SMARCA5: variants seen among roughly 807,000 people sequenced by gnomAD.
SMARCA5 encodes SNF2 related chromatin remodeling ATPase 5, also known as SWI/SNF-related matrix-associated actin-dependent regulator of chromatin subfamily A member 5.
Under a neutral mutation model 140.4 loss-of-function variants are expected in SMARCA5, and 18 were observed. The observed-to-expected ratio is 0.13, with a 90% CI of 0.09 to 0.19. The LOEUF (loss-of-function observed/expected upper bound fraction) is 0.19, where lower values mean the gene tolerates loss of function less well. Among genes scored for constraint, SMARCA5 ranks in the 10% least tolerant of loss-of-function variants. SMARCA5 has a pLI of 1.00. For missense variants in SMARCA5, 606 were observed against 1,276.8 expected (o/e 0.47, Z 8.01); for synonymous variants, 449 against 419.6 (o/e 1.07, Z -0.86).
Position 143,525,458 on chromosome 4 carries a change from A to G in SMARCA5, c.528A>G (p.Lys176=), listed in dbSNP as rs770396964. The change falls in exon 5 of 24, where the codon AAA becomes AAG. Residue 176 remains lysine, a synonymous_variant. Transcript: ENST00000283131. The part of the protein sequence containing the change: ...TRFEDSPSYV[K]WGKLRDYQVR... The stretch of plus-strand genomic sequence containing the variant: ...CTTTTCTTTTGTTCTTAGATGTAAA[A>G]TGGGGTAAACTGAGAGATTATCAGG... 3 of 1,608,656 alleles carry G rather than the reference A, an allele frequency of 1.9e-6. No individual in the cohort carries two copies. Among genetic ancestry groups the G allele is most frequent in the African/African-American group, 1.3e-5 (1 of 74,926 alleles).
chr4:143,551,116 A>G (rs1277898848), intron 23 of SMARCA5, among the ~76,000 whole-genome samples: 1 of 84,750 alleles, frequency 1.2e-5, no homozygotes, highest in Non-Finnish European at 2.4e-5. Context: ...CTGGGATGAG[A>G]TGTTATCTCA....
intron 10 of SMARCA5, 106 bp from the exon 11 acceptor site, chr4:143,536,346 T>C: frequency 1.4e-6 from 1 of 731,876 alleles, no homozygotes; most frequent in Non-Finnish European, 2.4e-6. Context: ...AGTAGTTTCT[T>C]ACAGATATTT....
At chr4:143,536,016 C>T (rs1737295109) in intron 10 of SMARCA5, among the ~76,000 whole-genome samples, 1 of 152,100 alleles carries the variant, frequency 6.6e-6, no homozygotes, top group African/African-American at 2.4e-5. Context: ...CCTGTCTTCT[C>T]AGATGTTAGG....
chr4:143,515,269 A>G (rs1736803980), intron 1 of SMARCA5, among the ~76,000 whole-genome samples: 1 of 152,202 alleles, frequency 6.6e-6, no homozygotes, highest in South Asian at 2.1e-4. Flanking sequence ...GTTAGTAATC[A>G]TTTAAAGAAC....
intron 2 of SMARCA5, among the ~76,000 whole-genome samples, chr4:143,520,944 C>G (rs1337704096): frequency 2.0e-5 from 3 of 152,154 alleles, no homozygotes; most frequent in Admixed American, 6.5e-5. Context: ...TGAATGAGCA[C>G]TGCATTTTTT....
Position 143,521,505 on chromosome 4 carries a change from C to A in SMARCA5, c.329C>A (p.Ala110Asp), listed in dbSNP as rs1736958325. The change falls in exon 3 of 24, where the codon GCT becomes GAT. Residue 110 changes from alanine to aspartate, a missense_variant. This residue lies in a region of SMARCA5 where 110 missense variants were observed against 287.7 expected (regional missense o/e 0.38). Transcript: ENST00000283131. ...ELFAHFIQPA[A>D]QKTPTSPLKM... ...TTTGCACATTTCATTCAACCTGCTG[C>A]TCAGAAGACTCCAACTTCACCTTTG... is the stretch of plus-strand genomic sequence containing the variant. 1 of 1,613,252 alleles carries A rather than the reference C, an allele frequency of 6.2e-7. No homozygotes were observed. The highest frequency in any genetic ancestry group is 8.5e-7 in the Non-Finnish European group (1 of 1,179,550).
At chr4:143,529,995 T>C (rs1276827080) in intron 8 of SMARCA5, among the ~76,000 whole-genome samples, 2 of 152,198 alleles carry the variant, frequency 1.3e-5, no homozygotes. Flanking sequence ...ACTGCCCTTG[T>C]TGAAATCGTA....
chr4:143,544,684 T>C (rs1054652211), intron 16 of SMARCA5, 53 bp from the exon 17 acceptor site: 2 of 957,084 alleles, frequency 2.1e-6, no homozygotes, highest in Non-Finnish European at 3.3e-6. Flanking sequence ...TGATGATGAT[T>C]TGTTACTGTG....
In SMARCA5 at chr4:143,538,817, G is replaced by A. The variant is rs1377011194; in HGVS notation, c.1649G>A (p.Ser550Asn). The A allele has an allele frequency of 3.7e-6, 6 of 1,614,036 alleles. No homozygotes were observed. The highest frequency in any genetic ancestry group is 5.1e-6 in the Non-Finnish European group (6 of 1,179,972). Residue 550 changes from serine to asparagine, a missense_variant, in exon 13 of 24, where the codon AGC becomes AAC. Physicochemically the swap from Ser to Asn is conservative, Grantham distance 46. Around this residue, in one of 10 missense-constraint regions of SMARCA5, gnomAD observed 68 missense variants for 126.9 expected, o/e 0.54. Transcript: ENST00000283131. Reference protein sequence around the residue: ...DSINAYNEPNSTKFVFMLSTR... With the variant: ...DSINAYNEPNNTKFVFMLSTR... The stretch of plus-strand genomic sequence containing the variant: ...ATCAATGCATACAATGAACCAAACA[G>A]CACAAAGTTTGTTTTCATGTTAAGC...
At chr4:143,543,078 T>G (rs1320898479) in intron 14 of SMARCA5, among the ~76,000 whole-genome samples, 1 of 152,208 alleles carries the variant, frequency 6.6e-6, no homozygotes, top group Admixed American at 6.5e-5. Context: ...CTGTGTAAAG[T>G]TTGGCCTAGG....
chr4:143,549,390 G>C (rs1439968103), intron 22 of SMARCA5, among the ~76,000 whole-genome samples: 1 of 152,118 alleles, frequency 6.6e-6, no homozygotes, highest in Non-Finnish European at 1.5e-5. Context: ...CGTCCGTGCA[G>C]ATGGACTTCT....
At chr4:143,519,673 A>G (rs1306741275) in intron 2 of SMARCA5, among the ~76,000 whole-genome samples, 2 of 152,144 alleles carry the variant, frequency 1.3e-5, no homozygotes, top group Admixed American at 6.5e-5. Context: ...AGTTCTAACC[A>G]TAGATAAGTT....
intron 14 of SMARCA5, 27 bp from the exon 15 acceptor site, chr4:143,543,482 A>T (rs2149823900): frequency 1.9e-6 from 3 of 1,603,514 alleles, no homozygotes; most frequent in Non-Finnish European, 2.6e-6. Flanking sequence ...TGTTCAGTTA[A>T]CATTATACAA....
At chr4:143,538,490 G>C in intron 11 of SMARCA5, 100 bp from the exon 12 acceptor site, 1 of 937,586 alleles carries the variant, frequency 1.1e-6, no homozygotes, top group Non-Finnish European at 1.6e-6. Flanking sequence ...CAAGTAGGTA[G>C]CTTTGGAATT....
chr4:143,519,972 C>T (rs1578790899), intron 2 of SMARCA5, among the ~76,000 whole-genome samples: 1 of 152,016 alleles, frequency 6.6e-6, no homozygotes, highest in Admixed American at 6.6e-5. Context: ...ATTATCCTAC[C>T]TCATTTCTTC....
Position 143,514,139 on chromosome 4 carries a change from GGGA to G in SMARCA5, c.177+46_177+48del, listed in dbSNP as rs1383769291. The G allele has an allele frequency of 1.1e-5, 16 of 1,481,514 alleles. No individual in the cohort carries two copies. The African/African-American group carries it at 2.3e-4, about 21-fold the overall frequency. 91.8% of individuals were successfully genotyped at this position (1,481,514 alleles called of 1,614,324 possible). A position where few individuals can be genotyped will look rare whatever the true frequency, so the allele number is the denominator to read the frequency against. On this transcript the variant is annotated intron_variant, in intron 1 of 23. Transcript: ENST00000283131. ...TGCGGCATGGGGAGCGGGTGCAGCG[GGGA>G]GGAGGAGCTGGCTCCCTCGCCGGAT...
chr4:143,545,420 A>T, intron 17 of SMARCA5, 50 bp from the exon 18 acceptor site: 1 of 1,213,926 alleles, frequency 8.2e-7, no homozygotes, highest in Non-Finnish European at 1.2e-6. Flanking sequence ...GGATACATTT[A>T]AAATGAAATT....
intron 6 of SMARCA5, among the ~76,000 whole-genome samples, chr4:143,527,057 G>C (rs1434395898): frequency 1.3e-5 from 2 of 152,172 alleles, no homozygotes; most frequent in Non-Finnish European, 2.9e-5. Context: ...ATTTTTAGAT[G>C]AATGTGTGTA....
chr4:143,553,181 A>G lies in SMARCA5; in HGVS notation c.3156A>G (p.Leu1052=), dbSNP rs1737679490. 2.5e-6 allele frequency: 4 copies of G among 1,610,068 alleles called. No homozygotes were observed. Among genetic ancestry groups the G allele is most frequent in the Non-Finnish European group, 2.5e-6 (3 of 1,176,544 alleles). The change falls in exon 24 of 24, where the codon CTA becomes CTG. Residue 1052 remains leucine, a synonymous_variant. Transcript: ENST00000283131. ...DGRGRKKKLK[L] ...GAGGAAGAAAAAAGAAGCTGAAACTATGAATATGTTTTTGTTTCATAATCA... is the reference window on the plus strand; with the variant it reads ...GAGGAAGAAAAAAGAAGCTGAAACTGTGAATATGTTTTTGTTTCATAATCA...
Sources: allele counts gnomAD v4.1 joint callset (sites outside exome capture counted in the v4.1 genomes callset), GRCh38; gene constraint gnomAD v4.1.1; regional missense constraint gnomAD v4.1.1; transcripts MANE v1.5; gene names NCBI Gene and HGNC (gene_info 2026-07-23, HGNC 2026-07-21).